Variants in DHX29 observed in about 807,000 individuals in gnomAD.
DHX29 encodes DExH-box helicase 29, also known as ATP-dependent RNA helicase DHX29.
A neutral mutation model predicts 167.9 loss-of-function variants in DHX29; 79 were observed. The observed-to-expected ratio is 0.47, with a 90% CI of 0.39 to 0.57. DHX29 has a LOEUF of 0.57. Ranked by LOEUF, DHX29 falls within the 20% of genes least tolerant of loss-of-function variation. The pLI, the probability that DHX29 is intolerant of heterozygous loss-of-function variation, is 0.00. For synonymous variants in DHX29, 530 were observed against 546.0 expected (o/e 0.97, Z 0.41); for missense variants, 1,347 against 1,593.4 (o/e 0.85, Z 2.63).
intron 14 of DHX29, 56 bp downstream of exon 14, chr5:55,276,210 G>A (rs1747103664): frequency 1.4e-6 from 2 of 1,394,824 alleles, no homozygotes; most frequent in African/African-American, 3.0e-5. Flanking sequence ...AACTCTTGTG[G>A]CAGGTTAGGC....
At chr5:55,261,307 C>A (rs755221970) in intron 25 of DHX29, 61 bp downstream of exon 25, 1 of 829,676 alleles carries the variant, frequency 1.2e-6, no homozygotes, top group Non-Finnish European at 1.9e-6. Flanking sequence ...AAAAAATGTA[C>A]CTCAATGGTA....
intron 26 of DHX29, among the ~76,000 whole-genome samples, chr5:55,259,150 A>G (rs532898984): frequency 1.3e-5 from 2 of 151,454 alleles, no homozygotes; most frequent in East Asian, 3.9e-4. Flanking sequence ...TTGGCTTATT[A>G]TTTTTTTTTA....
chr5:55,264,396 G>A (rs935826798), intron 23 of DHX29, among the ~76,000 whole-genome samples: 1 of 152,130 alleles, frequency 6.6e-6, no homozygotes, highest in African/African-American at 2.4e-5. Flanking sequence ...TAAGTATGAT[G>A]CTTTGAATGC....
intron 14 of DHX29, 36 bp from the exon 15 acceptor site, chr5:55,275,046 A>G (rs1311305363): frequency 1.3e-6 from 2 of 1,597,432 alleles, no homozygotes; most frequent in Non-Finnish European, 1.7e-6. Flanking sequence ...GTGAATAAAA[A>G]TATTAAGTAT....
At chr5:55,301,296 C>T (rs1045892322) in intron 1 of DHX29, among the ~76,000 whole-genome samples, 81 of 152,212 alleles carry the variant, frequency 5.3e-4, no homozygotes, top group African/African-American at 1.5e-3. Flanking sequence ...AGAAAATGAG[C>T]GTGAAAAATG....
At chr5:55,293,892 A>T in intron 6 of DHX29, 125 bp downstream of exon 6, 1 of 1,018,060 alleles carries the variant, frequency 9.8e-7, no homozygotes, top group Non-Finnish European at 1.4e-6. Context: ...TATTTTATTT[A>T]ATCTTCACAT....
At chr5:55,294,979 G>GC (rs1218688525) in intron 5 of DHX29, 2 of 156,720 alleles carry the variant, frequency 1.3e-5, no homozygotes, top group Non-Finnish European at 2.8e-5. Context: ...AAGAAGTCCA[G>GC]CCACCCTAAG....
intron 14 of DHX29, 121 bp downstream of exon 14, chr5:55,276,145 G>T: frequency 1.2e-6 from 1 of 822,582 alleles, no homozygotes; most frequent in African/African-American, 1.8e-5. Flanking sequence ...TCTCAGATCT[G>T]TTCCTCATCT....
At chr5:55,260,969 A>C (rs1353316743) in intron 25 of DHX29, among the ~76,000 whole-genome samples, 3 of 152,210 alleles carry the variant, frequency 2.0e-5, no homozygotes, top group Non-Finnish European at 4.4e-5. Flanking sequence ...CCTAGATTTG[A>C]ATCTTGCTCT....
rs774462322 is a variant in DHX29 at position 55,294,106 on chromosome 5, C to G, written c.691G>C (p.Glu231Gln). 8 of 1,603,260 alleles carry G rather than the reference C, an allele frequency of 5.0e-6. No individual in the cohort carries two copies. In the Admixed American group the frequency reaches 1.2e-4, roughly 24 times the overall value. The stretch of plus-strand genomic sequence containing the variant: ...TGTTCAGCATATCGTAAAATCCACT[C>G]TTTCATATTTACTTCCATATTTTTT... ...EEKNMEVNMKEWILRYAEQQN... is the reference protein window; with the variant it reads ...EEKNMEVNMKQWILRYAEQQN... Residue 231 changes from glutamate (E) to glutamine (Q), a missense_variant, in exon 6 of 27, where the codon GAG becomes CAG. By Grantham distance (29) the Glu-to-Gln change is conservative. Transcript: ENST00000251636.
Position 55,295,424 on chromosome 5 carries a change from T to C in DHX29, c.606A>G (p.Pro202=), listed in dbSNP as rs1367337531. 7 of 1,613,728 alleles carry C rather than the reference T, an allele frequency of 4.3e-6. No individual in the cohort carries two copies. Among genetic ancestry groups the C allele is most frequent in the Non-Finnish European group, 5.9e-6 (7 of 1,179,654 alleles). ...CATATGTTTTTGTTTTAGGTTGCAA[T>C]GGAGGTGAAATAGTGGCTTGTATTT... ...SPQIQATISP[P]LQPKTKTYEE... The change falls in exon 5 of 27, where the codon CCA becomes CCG. Residue 202 remains proline, a synonymous_variant. Transcript: ENST00000251636.
At chr5:55,301,396 C>A (rs553041194) in intron 1 of DHX29, among the ~76,000 whole-genome samples, 1 of 152,280 alleles carries the variant, frequency 6.6e-6, no homozygotes, top group Admixed American at 6.5e-5. Context: ...CTCCTGAGCA[C>A]ACTTTGAGAA....
At position 55,298,627 on chromosome 5, in the gene DHX29, A is replaced by G; in HGVS notation, c.225T>C (p.Ser75=). Residue 75 remains serine, a synonymous_variant, in exon 2 of 27, where the codon TCT becomes TCC. Transcript: ENST00000251636. ...ATTTATCCAGATTTGCAGGACCACT[A>G]GAATCATTTGTAGAATTAAAACTAT... ...KIYSFNSTND[S]SGPANLDKSI... The G allele has an allele frequency of 6.4e-7, 1 of 1,556,702 alleles. No homozygotes were observed. The highest frequency in any genetic ancestry group is 8.9e-7 in the Non-Finnish European group (1 of 1,129,418).
chr5:55,301,725 A>AAAAAAAAAAAAC (rs1748613901), intron 1 of DHX29, among the ~76,000 whole-genome samples: 1 of 151,442 alleles, frequency 6.6e-6, no homozygotes, highest in African/African-American at 2.4e-5. Context: ...AAAAAAAAAA[A>AAAAAAAAAAAAC]AAAAAAAAAA....
In DHX29 at chr5:55,256,471, G is replaced by T; in HGVS notation, c.*17C>A. 3 of 1,578,592 alleles carry T rather than the reference G, an allele frequency of 1.9e-6. No individual in the cohort carries two copies. In the South Asian group the frequency reaches 3.6e-5, roughly 19 times the overall value. On this transcript the variant is annotated 3_prime_UTR_variant, in exon 27 of 27. Coordinates refer to ENST00000251636, the MANE Select transcript of DHX29 (RefSeq NM_019030.4). ...CTTCATCTTAATTTTTAAAGCAGTTGACCATGAATTTCAGTTTCAGTTATT... is the reference window on the plus strand; with the variant it reads ...CTTCATCTTAATTTTTAAAGCAGTTTACCATGAATTTCAGTTTCAGTTATT...
chr5:55,284,014 C>G (rs1485942240), intron 10 of DHX29, among the ~76,000 whole-genome samples: 1 of 151,856 alleles, frequency 6.6e-6, no homozygotes, highest in African/African-American at 2.4e-5. Flanking sequence ...TAATTTGACT[C>G]AAATTATTAT....
intron 4 of DHX29, 100 bp from the exon 5 acceptor site, chr5:55,295,624 C>A: frequency 8.1e-7 from 1 of 1,231,272 alleles, no homozygotes; most frequent in Middle Eastern, 2.3e-4. Context: ...AGACTTAGAG[C>A]ACCTAATTTT....
intron 2 of DHX29, 118 bp from the exon 3 acceptor site, chr5:55,297,516 T>C: frequency 1.6e-6 from 1 of 614,700 alleles, no homozygotes; most frequent in South Asian, 2.0e-5. Context: ...TAAAATCAGA[T>C]ACAGTAATTA....
chr5:55,301,030 G>A (rs1748573751), intron 1 of DHX29, among the ~76,000 whole-genome samples: 1 of 152,102 alleles, frequency 6.6e-6, no homozygotes, highest in Non-Finnish European at 1.5e-5. Context: ...CAGAGAAACT[G>A]AGCTCTCTTG....
Sources: gnomAD v4.1 joint callset for allele counts (sites outside exome capture counted in the v4.1 genomes callset) on GRCh38, gnomAD v4.1.1 for gene constraint, MANE v1.5 for transcripts, NCBI Gene and HGNC (gene_info 2026-07-23, HGNC 2026-07-21) for gene names.